ZBBX: variants seen among roughly 807,000 people sequenced by gnomAD.
ZBBX encodes zinc finger B-box domain containing, also known as zinc finger B-box domain-containing protein 1.
ZBBX carries 101 observed loss-of-function variants against 108.5 expected under a neutral mutation model. That is an observed-to-expected ratio of 0.93 (90% CI 0.79 to 1.10). The LOEUF is 1.10. Ranked by LOEUF, ZBBX falls within the 50% of genes least tolerant of loss-of-function variation. ZBBX has a pLI of 0.00. For synonymous variants in ZBBX, 356 were observed against 323.4 expected, an observed-to-expected ratio of 1.10 and a Z score of -1.08; for missense variants, 1,009 against 941.4, an observed-to-expected ratio of 1.07 and a Z score of -0.94.
At chr3:167,346,608 C>G (rs572936044) in intron 9 of ZBBX, among the ~76,000 whole-genome samples, 7 of 151,798 alleles carry the variant, frequency 4.6e-5, no homozygotes, top group African/African-American at 1.7e-4. Context: ...TATAGCAATG[C>G]TTAATATTCA....
At chr3:167,402,915 TACATAACAAACTGTTAAAG>T (rs1472522230) in intron 1 of ZBBX, among the ~76,000 whole-genome samples, 1 of 151,948 alleles carries the variant, frequency 6.6e-6, no homozygotes, top group African/African-American at 2.4e-5. Flanking sequence ...AACTGTTAAA[TACATAACAAACTGTTAAAG>T]ACATAACAAA....
At chr3:167,373,212 T>C (rs370052094) in intron 3 of ZBBX, among the ~76,000 whole-genome samples, 1 of 152,182 alleles carries the variant, frequency 6.6e-6, no homozygotes, top group Non-Finnish European at 1.5e-5. Context: ...TTAAGTATTA[T>C]AAGTAAGCAA....
At chr3:167,279,698 AT>A (rs1286771835) in intron 20 of ZBBX, among the ~76,000 whole-genome samples, 3 of 152,046 alleles carry the variant, frequency 2.0e-5, no homozygotes, top group Non-Finnish European at 4.4e-5. Context: ...ATTCAATGCC[AT>A]CCCCATCAAG....
At chr3:167,404,547 C>CCCG (rs1244146482) in intron 1 of ZBBX, among the ~76,000 whole-genome samples, 5 of 152,128 alleles carry the variant, frequency 3.3e-5, no homozygotes, top group African/African-American at 9.7e-5. Flanking sequence ...CACTCTCCCC[C>CCCG]TTTCTCCACG....
intron 11 of ZBBX, among the ~76,000 whole-genome samples, chr3:167,327,389 A>C (rs1166715726): frequency 1.3e-5 from 2 of 152,172 alleles, no homozygotes; most frequent in Non-Finnish European, 2.9e-5. Flanking sequence ...CCAATTATCC[A>C]TTCATTTGAC....
At chr3:167,256,953 C>T (rs1297529724) in intron 20 of ZBBX, among the ~76,000 whole-genome samples, 1 of 152,116 alleles carries the variant, frequency 6.6e-6, no homozygotes, top group African/African-American at 2.4e-5. Flanking sequence ...GATATCTCTT[C>T]AATATACTGA....
chr3:167,372,778 AAT>A, intron 4 of ZBBX, 54 bp downstream of exon 4: 2 of 869,796 alleles, frequency 2.3e-6, no homozygotes, highest in Non-Finnish European at 3.6e-6. Context: ...TCAAAATTAC[AAT>A]ATACAGAAGC....
chr3:167,328,179 T>C, intron 10 of ZBBX, 63 bp from the exon 11 acceptor site: 1 of 1,502,444 alleles, frequency 6.7e-7, no homozygotes, highest in East Asian at 2.3e-5. Flanking sequence ...CAAAAATTGT[T>C]TTAATAAAAA....
upstream of ZBBX, among the ~76,000 whole-genome samples, chr3:167,380,873 C>CAT (rs1747661775): frequency 6.9e-6 from 1 of 145,632 alleles, no homozygotes; most frequent in Admixed American, 6.7e-5. Flanking sequence ...TATGCACACA[C>CAT]ACACACACAC....
At chr3:167,189,294 C>T in the ZBBX span, among the ~76,000 whole-genome samples, 1 of 152,160 alleles carries the variant, frequency 6.6e-6, no homozygotes, top group Non-Finnish European at 1.5e-5. Context: ...AATATACCCA[C>T]TTTTAGAAAA....
chr3:167,388,407 C>A (rs1371932472), intron 1 of ZBBX, among the ~76,000 whole-genome samples: 3 of 151,716 alleles, frequency 2.0e-5, no homozygotes, highest in South Asian at 2.1e-4. Context: ...AGAGGAGTGA[C>A]AACTGATTTA....
intron 1 of ZBBX, among the ~76,000 whole-genome samples, chr3:167,394,231 T>C (rs1477172119): frequency 6.6e-6 from 1 of 151,938 alleles, no homozygotes; most frequent in East Asian, 1.9e-4. Flanking sequence ...ACTGAACGTT[T>C]CAAAGGGTTT....
At chr3:167,232,064 A>T in the ZBBX span, among the ~76,000 whole-genome samples, 3,021 of 151,912 alleles carry the variant, frequency 0.02, 103 homozygotes, top group African/African-American at 0.069. Flanking sequence ...ATAAAATTCC[A>T]TTTACTCAAA....
At chr3:167,183,446 G>T in the ZBBX span, among the ~76,000 whole-genome samples, 1 of 152,196 alleles carries the variant, frequency 6.6e-6, no homozygotes, top group Admixed American at 6.5e-5. Context: ...CGATCAGGGA[G>T]ACCCTAACCC....
chr3:167,294,565 A>G (rs775312831), intron 18 of ZBBX, among the ~76,000 whole-genome samples: 4 of 152,248 alleles, frequency 2.6e-5, no homozygotes, highest in Admixed American at 2.0e-4. Flanking sequence ...TTAAAGATTT[A>G]AATGTAAGAA....
At chr3:167,321,698 AT>A (rs1290551341) in intron 12 of ZBBX, among the ~76,000 whole-genome samples, 1 of 152,084 alleles carries the variant, frequency 6.6e-6, no homozygotes, top group Non-Finnish European at 1.5e-5. Context: ...TGAATAAAGT[AT>A]ATTTAATTAC....
At position 167,295,748 on chromosome 3, in the gene ZBBX, TA is replaced by T. The variant is rs1731564533; in HGVS notation, c.1879+2556del. Among the ~76,000 whole-genome samples the T allele has an allele frequency of 1.2e-4, 2 of 16,548 alleles. 1 individual carries two copies. Among genetic ancestry groups the T allele is most frequent in the East Asian group, 5.3e-3 (2 of 378 alleles). The allele number at this position is 16,548 out of a possible 152,430, so 10.9% of individuals were successfully genotyped here. Reference sequence around the variant, plus strand: ...ATATATATATATATATATATATATATATATATATATAAAAAAAACTAGTAAG... The same window carrying T: ...ATATATATATATATATATATATATATTATATATATAAAAAAAACTAGTAAG... On this transcript the variant is annotated intron_variant, in intron 18 of 21. Transcript: ENST00000675490.
At chr3:167,376,333 T>C (rs1746948432) in intron 2 of ZBBX, among the ~76,000 whole-genome samples, 1 of 152,166 alleles carries the variant, frequency 6.6e-6, no homozygotes, top group Non-Finnish European at 1.5e-5. Flanking sequence ...ATAATCCTGC[T>C]CCATAACATG....
At chr3:167,320,870 C>T (rs13080246) in intron 12 of ZBBX, among the ~76,000 whole-genome samples, 33,037 of 151,730 alleles carry the variant, frequency 0.22, 4,406 homozygotes, top group South Asian at 0.31. Flanking sequence ...CTGGCAAGTA[C>T]TCTTCAAAAG....
Sources: allele counts gnomAD v4.1 joint callset (sites outside exome capture counted in the v4.1 genomes callset), GRCh38; gene constraint gnomAD v4.1.1; transcripts MANE v1.5; gene names NCBI Gene and HGNC (gene_info 2026-07-23, HGNC 2026-07-21).